Variants in TSHZ2 observed in about 807,000 individuals in gnomAD.
The protein encoded by TSHZ2 is teashirt homolog 2.
In TSHZ2, 21 loss-of-function variants were observed where a neutral mutation model predicts 74.4. That is an observed-to-expected ratio of 0.28 (90% confidence interval 0.20 to 0.41). The LOEUF is 0.41. TSHZ2 is among the 10% of genes least tolerant of loss of function. The probability of loss-of-function intolerance (pLI) is 1.00; values close to 1 mark genes in which losing one functional copy is unlikely to be tolerated. For synonymous variants in TSHZ2, 540 were observed against 515.3 expected (o/e 1.05, Z -0.65); for missense variants, 1,244 against 1,293.5 (o/e 0.96, Z 0.59).
At chr20:53,110,637 G>A (rs1364602149) in intron 1 of TSHZ2, among the ~76,000 whole-genome samples, 2 of 152,124 alleles carry the variant, frequency 1.3e-5, no homozygotes, top group African/African-American at 4.8e-5. Context: ...TGGGATATGA[G>A]ATAAAGAGTA....
intron 1 of TSHZ2, among the ~76,000 whole-genome samples, chr20:53,183,127 T>G (rs916701311): frequency 6.6e-6 from 1 of 152,200 alleles, no homozygotes; most frequent in Non-Finnish European, 1.5e-5. Context: ...ACCCTTCCCC[T>G]GGCTGGGAGA....
At chr20:52,998,963 A>G (rs1469480594) in intron 1 of TSHZ2, among the ~76,000 whole-genome samples, 1 of 152,254 alleles carries the variant, frequency 6.6e-6, no homozygotes, top group Non-Finnish European at 1.5e-5. Flanking sequence ...ATTTTTAAGC[A>G]CTTTCCACAC....
At chr20:53,195,916 G>A (rs966789157) in intron 1 of TSHZ2, among the ~76,000 whole-genome samples, 31 of 152,134 alleles carry the variant, frequency 2.0e-4, no homozygotes, top group African/African-American at 6.8e-4. Context: ...ACTTAGAAAC[G>A]GAGAGCCTGC....
intron 2 of TSHZ2, among the ~76,000 whole-genome samples, chr20:53,325,869 C>A (rs1472151500): frequency 6.6e-6 from 1 of 152,112 alleles, no homozygotes; most frequent in East Asian, 1.9e-4. Context: ...GCAAACTCCG[C>A]CTCCCAGGTT....
intron 1 of TSHZ2, among the ~76,000 whole-genome samples, chr20:53,134,006 G>A (rs367986850): frequency 2.1e-5 from 3 of 142,362 alleles, no homozygotes; most frequent in South Asian, 2.2e-4. Context: ...TCATGGGCAA[G>A]ACCTTGATAC....
rs1185220931 is a variant in TSHZ2, at chr20:53,279,611, T to C, written c.*8+23040T>C. Among the ~76,000 whole-genome samples the C allele has an allele frequency of 2.0e-5, 3 of 152,228 alleles. No individual in the cohort carries two copies. The East Asian group carries it at 5.8e-4, about 29-fold the overall frequency. On this transcript the variant is annotated intron_variant, in intron 2 of 2. Coordinates refer to ENST00000371497, the MANE Select transcript of TSHZ2 (RefSeq NM_173485.6). ...ATTACAACTATCTGATATCATGTTG[T>C]TTATGTATTTTCTCATATCTAGCAC...
Position 53,138,335 on chromosome 20 carries a change from G to T in TSHZ2, c.41-115164G>T, listed in dbSNP as rs546245406. 3.3e-5 allele frequency among the ~76,000 whole-genome samples: 5 copies of T among 150,560 alleles called. No individual in the cohort carries two copies. In the East Asian group the frequency reaches 9.8e-4, roughly 30 times the overall value. On this transcript the variant is annotated intron_variant, in intron 1 of 2. Coordinates refer to ENST00000371497, the MANE Select transcript of TSHZ2 (RefSeq NM_173485.6). Reference sequence around the variant, plus strand: ...GGAGGCTGAGCTTGCAGTGAGCAGAGATCAAGCCGCTGCACTCCAGCCTGG... The same window carrying T: ...GGAGGCTGAGCTTGCAGTGAGCAGATATCAAGCCGCTGCACTCCAGCCTGG...
intron 1 of TSHZ2, among the ~76,000 whole-genome samples, chr20:53,089,376 A>G (rs996595802): frequency 5.3e-4 from 78 of 148,130 alleles, no homozygotes; most frequent in African/African-American, 1.8e-3. Flanking sequence ...CAGGCTGGCA[A>G]AGAAGTTGTA....
chr20:53,249,832 C>T (rs1990286494), intron 1 of TSHZ2, among the ~76,000 whole-genome samples: 1 of 152,068 alleles, frequency 6.6e-6, no homozygotes, highest in Non-Finnish European at 1.5e-5. Flanking sequence ...AACAGAAAGA[C>T]ACTGCAGGAG....
At chr20:53,217,098 G>A (rs546239506) in intron 1 of TSHZ2, among the ~76,000 whole-genome samples, 18 of 152,320 alleles carry the variant, frequency 1.2e-4, no homozygotes, top group Non-Finnish European at 2.1e-4. Context: ...TCACATTGCT[G>A]GTGATGTGCG....
chr20:53,223,279 T>G (rs537621808), intron 1 of TSHZ2, among the ~76,000 whole-genome samples: 3 of 152,328 alleles, frequency 2.0e-5, no homozygotes, highest in Non-Finnish European at 2.9e-5. Flanking sequence ...TTTTTTAACT[T>G]CTAAAACGTA....
At chr20:53,303,031 T>G (rs73152703) in intron 2 of TSHZ2, among the ~76,000 whole-genome samples, 7,048 of 152,296 alleles carry the variant, frequency 0.046, 251 homozygotes, top group African/African-American at 0.095. Context: ...CATATCTCCT[T>G]CCAACCACAT....
At chr20:53,079,305 A>C (rs748339893) in intron 1 of TSHZ2, among the ~76,000 whole-genome samples, 1 of 152,222 alleles carries the variant, frequency 6.6e-6, no homozygotes, top group African/African-American at 2.4e-5. Flanking sequence ...TGGGAGGAGA[A>C]GCCAGACTGG....
At chr20:53,018,845 C>A (rs949415628) in intron 1 of TSHZ2, among the ~76,000 whole-genome samples, 1 of 152,164 alleles carries the variant, frequency 6.6e-6, no homozygotes, top group African/African-American at 2.4e-5. Flanking sequence ...TTGCTAAAAA[C>A]GTCTTGCCCA....
chr20:53,295,040 G>GT (rs1459677641), intron 2 of TSHZ2, among the ~76,000 whole-genome samples: 1 of 152,142 alleles, frequency 6.6e-6, no homozygotes, highest in African/African-American at 2.4e-5. Context: ...ACATCATCTT[G>GT]TTACTTTCCA....
chr20:53,402,959 C>T (rs156609), intron 2 of TSHZ2, among the ~76,000 whole-genome samples: 136,491 of 152,210 alleles, frequency 0.9, 61,404 homozygotes, highest in African/African-American at 0.95. Context: ...GCTTTTATTT[C>T]AGATACACGG....
chr20:53,350,238 C>T (rs1467998758), intron 2 of TSHZ2, among the ~76,000 whole-genome samples: 3 of 152,198 alleles, frequency 2.0e-5, no homozygotes, highest in African/African-American at 7.2e-5. Flanking sequence ...ATTTATTCAG[C>T]CTATCACATA....
chr20:53,392,840 TC>T (rs1278410436), intron 2 of TSHZ2, among the ~76,000 whole-genome samples: 27 of 152,196 alleles, frequency 1.8e-4, no homozygotes, highest in African/African-American at 6.3e-4. Context: ...AAGTAGTTTT[TC>T]TTTTTTTTCT....
intron 1 of TSHZ2, among the ~76,000 whole-genome samples, chr20:53,175,398 T>A (rs1988312737): frequency 6.6e-6 from 1 of 152,110 alleles, no homozygotes; most frequent in African/African-American, 2.4e-5. Context: ...TGCCTCGGCC[T>A]CCCAAAGTGC....
Sources: allele counts gnomAD v4.1 joint callset (sites outside exome capture counted in the v4.1 genomes callset), GRCh38; gene constraint gnomAD v4.1.1; transcripts MANE v1.5; gene names NCBI Gene and HGNC (gene_info 2026-07-23, HGNC 2026-07-21).